Variants in RARB observed in about 807,000 individuals in gnomAD.
The protein encoded by RARB is retinoic acid receptor beta.
RARB carries 17 observed loss-of-function variants against 51.9 expected under a neutral mutation model. The observed-to-expected ratio is 0.33, with a 90% CI of 0.22 to 0.49. The LOEUF (loss-of-function observed/expected upper bound fraction) is 0.49, where lower values mean the gene tolerates loss of function less well. Among genes scored for constraint, RARB ranks in the 20% least tolerant of loss-of-function variants. The pLI, the probability that RARB is intolerant of heterozygous loss-of-function variation, is 0.99. For synonymous variants in RARB, 215 were observed against 195.4 expected (o/e 1.10, Z -0.84); for missense variants, 369 against 550.8 (o/e 0.67, Z 3.30).
intron 5 of RARB, among the ~76,000 whole-genome samples, chr3:25,416,207 C>T (rs920468374): frequency 6.6e-6 from 1 of 152,170 alleles, no homozygotes; most frequent in East Asian, 1.9e-4. Flanking sequence ...TGTAGTGATA[C>T]CTCATCTCTA....
chr3:25,222,250 A>T (rs1701963876), intron 5 of RARB, among the ~76,000 whole-genome samples: 1 of 152,142 alleles, frequency 6.6e-6, no homozygotes, highest in Non-Finnish European at 1.5e-5. Context: ...ATTGAGCCCT[A>T]TCTCCTTCTT....
chr3:25,076,899 T>C (rs1274991057), intron 3 of RARB, among the ~76,000 whole-genome samples: 1 of 152,300 alleles, frequency 6.6e-6, no homozygotes, highest in Non-Finnish European at 1.5e-5. Context: ...CCCATGACAG[T>C]GGGATTTCTA....
intron 5 of RARB, among the ~76,000 whole-genome samples, chr3:25,282,750 C>T (rs1703557000): frequency 6.6e-6 from 1 of 152,194 alleles, no homozygotes; most frequent in Admixed American, 6.5e-5. Flanking sequence ...CATTTAGAAA[C>T]TGTTGCTGAT....
At chr3:25,206,438 G>T (rs529628290) in intron 5 of RARB, among the ~76,000 whole-genome samples, 1 of 152,258 alleles carries the variant, frequency 6.6e-6, no homozygotes, top group East Asian at 1.9e-4. Flanking sequence ...TGAGGATTTT[G>T]CTGGCTACTC....
chr3:25,251,439 C>T (rs1423216265), intron 5 of RARB, among the ~76,000 whole-genome samples: 1 of 151,978 alleles, frequency 6.6e-6, no homozygotes, highest in Admixed American at 6.6e-5. Flanking sequence ...TTTTTAAGGT[C>T]CTTTCAAACT....
chr3:24,893,033 G>T (rs910077531), intron 2 of RARB, among the ~76,000 whole-genome samples: 3 of 152,186 alleles, frequency 2.0e-5, no homozygotes, highest in African/African-American at 7.2e-5. Context: ...TACCAGACAT[G>T]TATAATACTA....
At chr3:24,980,494 T>C (rs756864420) in intron 2 of RARB, among the ~76,000 whole-genome samples, 5 of 152,184 alleles carry the variant, frequency 3.3e-5, no homozygotes, top group Non-Finnish European at 7.3e-5. Flanking sequence ...TCTTGTCTTC[T>C]CACTTTATTT....
intron 2 of RARB, among the ~76,000 whole-genome samples, chr3:24,897,241 G>A (rs1171006150): frequency 6.6e-6 from 1 of 152,142 alleles, no homozygotes; most frequent in Non-Finnish European, 1.5e-5. Flanking sequence ...TCAATTAAAT[G>A]TGACCAAAAT....
At chr3:24,965,239 A>G (rs768148965) in intron 2 of RARB, among the ~76,000 whole-genome samples, 3 of 152,072 alleles carry the variant, frequency 2.0e-5, no homozygotes, top group Non-Finnish European at 2.9e-5. Context: ...TTTTGTATCT[A>G]TCTGGGTGCC....
chr3:25,222,512 T>TA lies in RARB; in HGVS notation c.178+47944dup, dbSNP rs200130235. On this transcript the variant is annotated intron_variant, in intron 5 of 11. Transcript: ENST00000383772. ...TAGCTGATATAATTCTCAAATAGATTAAAAAAACTTACACAATGATGCCAC... is the reference window on the plus strand; with the variant it reads ...TAGCTGATATAATTCTCAAATAGATTAAAAAAAACTTACACAATGATGCCAC... Among the ~76,000 whole-genome samples, 1,261 of 152,038 alleles carry TA rather than the reference T, an allele frequency of 8.3e-3. 28 individuals are homozygous for TA. Among genetic ancestry groups the TA allele is most frequent in the African/African-American group, 0.028 (1,146 of 41,462 alleles).
At chr3:25,449,767 T>C (rs1709108673) in intron 1 of RARB, among the ~76,000 whole-genome samples, 2 of 152,132 alleles carry the variant, frequency 1.3e-5, no homozygotes, top group Admixed American at 6.5e-5. Context: ...TTTTTTTTTT[T>C]TTTAGACGGA....
intron 2 of RARB, among the ~76,000 whole-genome samples, chr3:25,004,795 C>T (rs1697235881): frequency 6.6e-6 from 1 of 152,064 alleles, no homozygotes; most frequent in Admixed American, 6.6e-5. Context: ...AGTTTCATGG[C>T]ATTTATTAGC....
In RARB at chr3:25,059,028, T is replaced by A. The variant is rs114990618; in HGVS notation, c.-379-1097T>A. Among the ~76,000 whole-genome samples the A allele has an allele frequency of 4.5e-3, 688 of 151,600 alleles. 6 individuals carry two copies. The highest frequency in any genetic ancestry group is 0.016 in the African/African-American group (650 of 41,432). On this transcript the variant is annotated intron_variant, in intron 2 of 11. Coordinates refer to the RARB transcript ENST00000383772. ...ATGCCTTGGCCAGTATCCCAGTCACTTTCTAACACATGCATAAATATTTAT... is the reference window on the plus strand; with the variant it reads ...ATGCCTTGGCCAGTATCCCAGTCACATTCTAACACATGCATAAATATTTAT...
In RARB at chr3:25,594,660, C is replaced by A. The variant is rs759614000; in HGVS notation, c.1132C>A (p.Arg378Ser). Reference protein sequence around the residue: ...PKILMKITDLRSISAKGAERV... With the variant: ...PKILMKITDLSSISAKGAERV... Reference sequence around the variant, plus strand: ...GATCTTAATGAAAATCACAGATCTCCGTAGCATCAGTGCTAAAGGTATGTC... The same window carrying A: ...GATCTTAATGAAAATCACAGATCTCAGTAGCATCAGTGCTAAAGGTATGTC... The change falls in exon 7 of 8, where the codon CGT (arginine) becomes AGT (serine). Residue 378 changes from arginine to serine, a missense_variant. Physicochemically the swap from Arg to Ser is moderately radical, Grantham distance 110. This residue lies in a region of RARB where 76 missense variants were observed against 153.3 expected (regional missense o/e 0.50). Transcript: ENST00000330688. 6.2e-7 allele frequency: 1 copy of A among 1,612,776 alleles called. No individual in the cohort carries two copies. Among genetic ancestry groups the A allele is most frequent in the Non-Finnish European group, 8.5e-7 (1 of 1,179,562 alleles).
chr3:25,373,289 T>C (rs1336126069), intron 5 of RARB, among the ~76,000 whole-genome samples: 2 of 151,970 alleles, frequency 1.3e-5, no homozygotes, highest in African/African-American at 4.8e-5. Flanking sequence ...ACAGTACTAA[T>C]AGAGAAGAGA....
intron 5 of RARB, among the ~76,000 whole-genome samples, chr3:25,217,379 C>T (rs1045752219): frequency 6.6e-6 from 1 of 152,048 alleles, no homozygotes; most frequent in Non-Finnish European, 1.5e-5. Context: ...ATAATTGTTA[C>T]AATACCTCTT....
chr3:25,171,643 T>TTAAAAAAAAAAAAAAAAAA (rs1553639737), intron 4 of RARB, among the ~76,000 whole-genome samples: 1 of 45,462 alleles, frequency 2.2e-5, no homozygotes, highest in African/African-American at 8.2e-5. Flanking sequence ...CCCTGGTTGG[T>TTAAAAAAAAAAAAAAAAAA]AAAAAAAAAA....
intron 5 of RARB, among the ~76,000 whole-genome samples, chr3:25,217,030 C>G (rs1189187374): frequency 1.3e-5 from 2 of 152,202 alleles, no homozygotes; most frequent in East Asian, 1.9e-4. Context: ...GTGATGTGTT[C>G]TCATCAAGAG....
At chr3:25,064,103 G>A (rs1698609767) in intron 3 of RARB, among the ~76,000 whole-genome samples, 2 of 152,148 alleles carry the variant, frequency 1.3e-5, no homozygotes, top group South Asian at 2.1e-4. Flanking sequence ...AAATGCCAAA[G>A]CTAATTTTGA....
Sources: gnomAD v4.1 joint callset for allele counts (sites outside exome capture counted in the v4.1 genomes callset) on GRCh38, gnomAD v4.1.1 for gene constraint, gnomAD v4.1.1 regional missense constraint, MANE v1.5 for transcripts, NCBI Gene and HGNC (gene_info 2026-07-23, HGNC 2026-07-21) for gene names.